Variants in WDPCP observed in about 807,000 individuals in gnomAD.
WDPCP encodes WD repeat-containing and planar cell polarity effector protein fritz homolog.
WDPCP carries 71 observed loss-of-function variants against 93.1 expected under a neutral mutation model. The observed-to-expected ratio is 0.76, with a 90% CI of 0.63 to 0.93. The LOEUF (loss-of-function observed/expected upper bound fraction) is 0.93. Among genes scored for constraint, WDPCP ranks in the 40% least tolerant of loss-of-function variants. The probability of loss-of-function intolerance (pLI) is 0.00; values close to 1 mark genes in which losing one functional copy is unlikely to be tolerated. For missense variants in WDPCP, 844 were observed against 887.4 expected, an observed-to-expected ratio of 0.95 and a Z score of 0.62; for synonymous variants, 315 against 315.0, an observed-to-expected ratio of 1.00 and a Z score of 0.00.
chr2:63,807,778 G>C (rs1321368651), intron 2 of WDPCP, among the ~76,000 whole-genome samples: 3 of 152,128 alleles, frequency 2.0e-5, no homozygotes, highest in Non-Finnish European at 4.4e-5. Flanking sequence ...TTTGAAGGAA[G>C]GAATACTAAA....
intron 2 of WDPCP, among the ~76,000 whole-genome samples, chr2:63,730,346 G>T (rs999373582): frequency 1.3e-5 from 2 of 152,104 alleles, no homozygotes; most frequent in East Asian, 3.9e-4. Context: ...TCTCCCTTCG[G>T]TTTCTGGAGG....
intron 15 of WDPCP, among the ~76,000 whole-genome samples, chr2:63,164,509 G>A (rs1322746886): frequency 1.3e-5 from 2 of 152,096 alleles, no homozygotes; most frequent in African/African-American, 4.8e-5. Context: ...CTCTGACCAT[G>A]TGAAGTGCTG....
intron 10 of WDPCP, among the ~76,000 whole-genome samples, chr2:63,388,373 C>T (rs1692925723): frequency 6.6e-6 from 1 of 152,158 alleles, no homozygotes; most frequent in Admixed American, 6.6e-5. Flanking sequence ...AGGGCATCTA[C>T]ACCAAAACCC....
chr2:63,528,289 C>T (rs920697877), intron 1 of WDPCP, among the ~76,000 whole-genome samples: 1 of 152,174 alleles, frequency 6.6e-6, no homozygotes, highest in Non-Finnish European at 1.5e-5. Context: ...GAAGTCCTTG[C>T]CCATGCCTAT....
chr2:63,413,156 A>T (rs945911678), intron 9 of WDPCP, among the ~76,000 whole-genome samples: 109 of 152,348 alleles, frequency 7.2e-4, no homozygotes, highest in African/African-American at 2.5e-3. Flanking sequence ...AGAGCATGGT[A>T]CTGGTATAAA....
intron 14 of WDPCP, among the ~76,000 whole-genome samples, chr2:63,238,429 A>G (rs1160315521): frequency 2.0e-5 from 3 of 152,146 alleles, no homozygotes; most frequent in Non-Finnish European, 2.9e-5. Flanking sequence ...TTGATATTCT[A>G]TCTAGTAATT....
chr2:63,182,776 T>C (rs1180973290), intron 14 of WDPCP, among the ~76,000 whole-genome samples: 1 of 147,162 alleles, frequency 6.8e-6, no homozygotes, highest in Admixed American at 6.8e-5. Flanking sequence ...GCCCTGGACT[T>C]TTTTTTTTTT....
Position 63,421,488 on chromosome 2 carries a change from G to A in WDPCP, c.825+12257C>T, listed in dbSNP as rs1003899841. ...TAATCAACTGATATTTGACAAAGTA[G>A]CAAAGGCAATTCAATGCAGAAAGGA... On this transcript the variant is annotated intron_variant, in intron 9 of 17. Coordinates refer to ENST00000272321, the MANE Select transcript of WDPCP (RefSeq NM_015910.7). Among the ~76,000 whole-genome samples, 4 of 152,122 alleles carry A rather than the reference G, an allele frequency of 2.6e-5. No individual in the cohort carries two copies. The East Asian group carries it at 7.7e-4, about 29-fold the overall frequency.
rs1707291930 is a variant in WDPCP, at chr2:63,569,111, T to G, written c.75+19086A>C. Among the ~76,000 whole-genome samples, 4 of 152,288 alleles carry G rather than the reference T, an allele frequency of 2.6e-5. No individual in the cohort carries two copies. In the South Asian group the frequency reaches 8.3e-4, roughly 32 times the overall value. ...AATGGAAAATGGAGAACAAATAAAG[T>G]ATAAGGTAGAAAACAACATAGATGA... is the stretch of plus-strand genomic sequence containing the variant. On this transcript the variant is annotated intron_variant, in intron 1 of 17. Transcript: ENST00000272321.
intron 12 of WDPCP, among the ~76,000 whole-genome samples, chr2:63,354,506 C>G (rs1433234221): frequency 6.6e-6 from 1 of 152,204 alleles, no homozygotes; most frequent in Non-Finnish European, 1.5e-5. Flanking sequence ...ATGGCTGCAA[C>G]TGTGAGCAAA....
At chr2:63,142,825 T>G (rs1032275649) in intron 17 of WDPCP, among the ~76,000 whole-genome samples, 13 of 150,432 alleles carry the variant, frequency 8.6e-5, no homozygotes, top group African/African-American at 2.9e-4. Context: ...GGGGTGTGTG[T>G]GTGTGTGTGT....
At chr2:63,543,571 A>AT (rs561217927) in intron 1 of WDPCP, among the ~76,000 whole-genome samples, 60 of 151,434 alleles carry the variant, frequency 4.0e-4, no homozygotes, top group Admixed American at 7.2e-4. Flanking sequence ...TATCCATATA[A>AT]TTTTTTTTTA....
chr2:63,403,532 T>C (rs746010695), intron 10 of WDPCP, among the ~76,000 whole-genome samples: 7 of 152,228 alleles, frequency 4.6e-5, no homozygotes, highest in Non-Finnish European at 1.0e-4. Flanking sequence ...AATATTTTTA[T>C]CCAAAAGAGA....
chr2:63,329,254 T>C (rs1687798597), intron 12 of WDPCP, among the ~76,000 whole-genome samples: 1 of 152,272 alleles, frequency 6.6e-6, no homozygotes, highest in African/African-American at 2.4e-5. Context: ...GAGTCTGACT[T>C]TAGATTTCTC....
chr2:63,649,552 T>G (rs1046412910), intron 3 of WDPCP, among the ~76,000 whole-genome samples: 8 of 152,230 alleles, frequency 5.3e-5, no homozygotes, highest in African/African-American at 1.9e-4. Flanking sequence ...TCAAACACCT[T>G]GGGTATATAC....
chr2:63,411,973 C>T (rs945464706), intron 9 of WDPCP, among the ~76,000 whole-genome samples: 1 of 152,096 alleles, frequency 6.6e-6, no homozygotes, highest in African/African-American at 2.4e-5. Context: ...GGTACCAATC[C>T]TTTTGATACT....
Position 63,313,281 on chromosome 2 carries a change from T to C in WDPCP, c.1779A>G (p.Leu593=), listed in dbSNP as rs767258805. ...RYQRFEKAFL[L]AVDVGARDLF... ...GGTCACGAGCACCAACGTCAACAGC[T>C]AGGAGAAATGCCTTTTCAAACCTCT... Residue 593 remains leucine (L), a synonymous_variant, in exon 13 of 18, where the codon CTA becomes CTG. Transcript: ENST00000272321. 3 of 1,613,682 alleles carry C rather than the reference T, an allele frequency of 1.9e-6. No individual in the cohort carries two copies. The highest frequency in any genetic ancestry group is 2.5e-6 in the Non-Finnish European group (3 of 1,179,758).
At position 63,255,116 on chromosome 2, in the gene WDPCP, TG is replaced by T. The variant is rs757649324; in HGVS notation, c.1915+4190del. Among the ~76,000 whole-genome samples, 5 of 152,268 alleles carry T rather than the reference TG, an allele frequency of 3.3e-5. No individual in the cohort carries two copies. The South Asian group carries it at 1.0e-3, about 32-fold the overall frequency. On this transcript the variant is annotated intron_variant, in intron 14 of 17. Transcript: ENST00000272321. ...TAGAAACTCTTAGCAAACTAGTTAC[TG>T]AAGGGAACTTTATTAATATGAATAA...
At chr2:63,387,860 C>T (rs1419528501) in intron 10 of WDPCP, among the ~76,000 whole-genome samples, 2 of 152,044 alleles carry the variant, frequency 1.3e-5, no homozygotes, top group African/African-American at 2.4e-5. Flanking sequence ...ATAAGCAACA[C>T]AATCCCATTC....
Sources: gnomAD v4.1 joint callset for allele counts (sites outside exome capture counted in the v4.1 genomes callset) on GRCh38, gnomAD v4.1.1 for gene constraint, MANE v1.5 for transcripts, NCBI Gene and HGNC (gene_info 2026-07-23, HGNC 2026-07-21) for gene names.